The following NCK2 variants were observed in gnomAD, a reference collection of about 807,000 sequenced individuals.
The protein encoded by NCK2 is cytoplasmic protein NCK2.
In NCK2, 16 loss-of-function variants were observed where a neutral mutation model predicts 33.9. The ratio of observed to expected loss-of-function variants is 0.47; its 90% confidence interval spans 0.32 to 0.72. The LOEUF (loss-of-function observed/expected upper bound fraction) is 0.72, where lower values mean the gene tolerates loss of function less well. NCK2 is among the 30% of genes least tolerant of loss of function. The pLI is 0.03. For missense variants in NCK2, 418 were observed against 537.3 expected (o/e 0.78, Z 2.19); for synonymous variants, 273 against 239.9 (o/e 1.14, Z -1.27).
intron 1 of NCK2, among the ~76,000 whole-genome samples, chr2:105,788,600 C>T (rs962388572): frequency 2.0e-5 from 3 of 152,078 alleles, no homozygotes; most frequent in African/African-American, 7.2e-5. Context: ...CTGTATATTA[C>T]TTATATGTAG....
At chr2:105,813,953 C>T (rs1404991291) in intron 1 of NCK2, among the ~76,000 whole-genome samples, 3 of 152,186 alleles carry the variant, frequency 2.0e-5, no homozygotes, top group Non-Finnish European at 4.4e-5. Flanking sequence ...GAAAAGCACA[C>T]ACTCCTTCTG....
At chr2:105,891,568 T>TTTTTTTA (rs1678983613) in intron 4 of NCK2, among the ~76,000 whole-genome samples, 1 of 11,240 alleles carries the variant, frequency 8.9e-5, no homozygotes, top group South Asian at 3.8e-3. Flanking sequence ...TTTTTTTTTT[T>TTTTTTTA]GAGATTTTTC....
chr2:105,861,084 A>G (rs536115786), intron 3 of NCK2, among the ~76,000 whole-genome samples: 22 of 152,194 alleles, frequency 1.4e-4, no homozygotes, highest in Non-Finnish European at 1.9e-4. Flanking sequence ...AAAACTATCA[A>G]CCATTTTCTA....
chr2:105,869,062 C>A (rs147348581), intron 3 of NCK2, among the ~76,000 whole-genome samples: 1 of 152,346 alleles, frequency 6.6e-6, no homozygotes, highest in African/African-American at 2.4e-5. Flanking sequence ...GATCCAGCCC[C>A]GCTGCCCACC....
intron 1 of NCK2, among the ~76,000 whole-genome samples, chr2:105,808,328 G>A (rs902493142): frequency 1.3e-5 from 2 of 152,108 alleles, no homozygotes; most frequent in African/African-American, 4.8e-5. Flanking sequence ...CCTTTCTTCT[G>A]GAAAGTCTTC....
intron 1 of NCK2, among the ~76,000 whole-genome samples, chr2:105,745,575 G>A (rs927967869): frequency 6.6e-6 from 1 of 152,194 alleles, no homozygotes; most frequent in East Asian, 1.9e-4. Flanking sequence ...GGGCGCGTGT[G>A]CCGGGGAAGA....
chr2:105,745,446 C>T (rs1291681405), intron 1 of NCK2, among the ~76,000 whole-genome samples: 4 of 151,868 alleles, frequency 2.6e-5, no homozygotes, highest in African/African-American at 9.7e-5. Context: ...GCAGGGGGCC[C>T]GGCTGCGGGG....
intron 4 of NCK2, among the ~76,000 whole-genome samples, chr2:105,884,146 C>T (rs903731016): frequency 1.3e-5 from 2 of 152,194 alleles, no homozygotes; most frequent in African/African-American, 4.8e-5. Flanking sequence ...TGCTGTATTT[C>T]CTGTTCATAA....
intron 1 of NCK2, among the ~76,000 whole-genome samples, chr2:105,777,120 C>A (rs1015028224): frequency 6.6e-6 from 1 of 152,034 alleles, no homozygotes; most frequent in African/African-American, 2.4e-5. Flanking sequence ...CTGCTGCCGC[C>A]GAGCAGGAAT....
intron 1 of NCK2, among the ~76,000 whole-genome samples, chr2:105,781,609 T>G (rs114700151): frequency 0.015 from 2,252 of 152,372 alleles, 18 homozygotes; most frequent in Middle Eastern, 0.034. Context: ...GAGGTCTTTG[T>G]GCATCAGTTT....
In NCK2 at chr2:105,764,021, C is replaced by T. The variant is rs192200067; in HGVS notation, c.-201+18883C>T. Reference sequence around the variant, plus strand: ...TTTCATATGTGTTGCCTAATTTAGTCCTCTCTACAACCCCACGAGGCTGCC... The same window carrying T: ...TTTCATATGTGTTGCCTAATTTAGTTCTCTCTACAACCCCACGAGGCTGCC... On this transcript the variant is annotated intron_variant, in intron 1 of 4. Transcript: ENST00000233154. Among the ~76,000 whole-genome samples the T allele has an allele frequency of 1.2e-4, 19 of 152,336 alleles. No homozygotes were observed. In the East Asian group the frequency reaches 3.7e-3, roughly 29 times the overall value.
At chr2:105,762,898 T>A in intron 1 of NCK2, among the ~76,000 whole-genome samples, 1 of 152,078 alleles carries the variant, frequency 6.6e-6, no homozygotes, top group East Asian at 1.9e-4. Context: ...TGAAAATCAC[T>A]TAAAAGCAAC....
At chr2:105,804,237 A>C (rs1252913257) in intron 1 of NCK2, among the ~76,000 whole-genome samples, 1 of 152,208 alleles carries the variant, frequency 6.6e-6, no homozygotes, top group Non-Finnish European at 1.5e-5. Context: ...TGTGAAGCTG[A>C]AGTTGATCAT....
chr2:105,839,740 A>C (rs1047527257), intron 2 of NCK2, among the ~76,000 whole-genome samples: 1 of 152,162 alleles, frequency 6.6e-6, no homozygotes, highest in Non-Finnish European at 1.5e-5. Context: ...CAGGGTGGAG[A>C]CCAACATTTG....
Position 105,750,754 on chromosome 2 carries a change from G to A in NCK2, c.-201+5616G>A, listed in dbSNP as rs191215523. Among the ~76,000 whole-genome samples the A allele has an allele frequency of 3.4e-3, 522 of 152,350 alleles. 5 individuals carry two copies. Among genetic ancestry groups the A allele is most frequent in the African/African-American group, 0.012 (486 of 41,584 alleles). ...AACTTAGGTAGGTAGACACTTATTT[G>A]GGGGTTGGTTTGTCTTTAATTGAGA... is the stretch of plus-strand genomic sequence containing the variant. On this transcript the variant is annotated intron_variant, in intron 1 of 4. Coordinates refer to ENST00000233154, the MANE Select transcript of NCK2 (RefSeq NM_003581.5).
rs562888558 is a variant in NCK2 at position 105,893,263 on chromosome 2, G to A, written c.*87G>A. 1.4e-5 allele frequency: 18 copies of A among 1,262,318 alleles called. No homozygotes were observed. The African/African-American group carries it at 1.7e-4, about 12-fold the overall frequency. The allele number at this position is 1,262,318 out of a possible 1,614,324, so 78.2% of individuals were successfully genotyped here. ...TGGCAGAGGCTCCTCCCGCGGGGAC[G>A]GCCCCGACGGCTTCTCTGCGAGTCT... On this transcript the variant is annotated 3_prime_UTR_variant, in exon 5 of 5. Coordinates refer to ENST00000233154, the MANE Select transcript of NCK2 (RefSeq NM_003581.5).
intron 1 of NCK2, among the ~76,000 whole-genome samples, chr2:105,811,560 A>G (rs769159222): frequency 3.9e-5 from 6 of 152,202 alleles, no homozygotes; most frequent in Non-Finnish European, 5.9e-5. Context: ...CTTGTCTTTA[A>G]GGAGCATCTG....
At chr2:105,749,901 A>G (rs1689397912) in intron 1 of NCK2, among the ~76,000 whole-genome samples, 1 of 152,054 alleles carries the variant, frequency 6.6e-6, no homozygotes, top group Admixed American at 6.6e-5. Flanking sequence ...GCAGTGGCTC[A>G]CGGCTGTAAT....
intron 3 of NCK2, among the ~76,000 whole-genome samples, chr2:105,862,055 T>C (rs1160561962): frequency 6.6e-6 from 1 of 152,122 alleles, no homozygotes; most frequent in Non-Finnish European, 1.5e-5. Flanking sequence ...CCCGGGTAAC[T>C]AAAGGCCCTT....
Sources: gnomAD v4.1 joint callset for allele counts (sites outside exome capture counted in the v4.1 genomes callset) on GRCh38, gnomAD v4.1.1 for gene constraint, MANE v1.5 for transcripts, NCBI Gene and HGNC (gene_info 2026-07-23, HGNC 2026-07-21) for gene names.